Variants in ELF1 observed in about 807,000 individuals in gnomAD.
ELF1 encodes ETS-related transcription factor Elf-1.
ELF1 carries 24 observed loss-of-function variants against 59.9 expected under a neutral mutation model. That is an observed-to-expected ratio of 0.40 (90% CI 0.29 to 0.56). The LOEUF (loss-of-function observed/expected upper bound fraction) is 0.56. Ranked by LOEUF, ELF1 falls within the 20% of genes least tolerant of loss-of-function variation. ELF1 has a pLI of 0.44. For synonymous variants in ELF1, 248 were observed against 266.2 expected (o/e 0.93, Z 0.67); for missense variants, 627 against 742.2 (o/e 0.84, Z 1.80).
At chr13:40,935,871 C>T (rs1869734779) in intron 8 of ELF1, among the ~76,000 whole-genome samples, 2 of 151,964 alleles carry the variant, frequency 1.3e-5, no homozygotes, top group Admixed American at 1.3e-4. Flanking sequence ...AACAGGGTTT[C>T]ACCACGTTGG....
intron 2 of ELF1, among the ~76,000 whole-genome samples, chr13:40,961,174 C>A (rs997856320): frequency 6.6e-6 from 1 of 152,072 alleles, no homozygotes; most frequent in Non-Finnish European, 1.5e-5. Context: ...AATTTAATTA[C>A]CTAAATTAAA....
At chr13:40,970,254 C>T (rs1383667764) in intron 2 of ELF1, among the ~76,000 whole-genome samples, 2 of 152,144 alleles carry the variant, frequency 1.3e-5, no homozygotes, top group Non-Finnish European at 2.9e-5. Context: ...GTTACTAAAT[C>T]AGAACTGGAA....
intron 3 of ELF1, among the ~76,000 whole-genome samples, chr13:40,955,124 C>A: frequency 6.6e-6 from 1 of 150,480 alleles, no homozygotes; most frequent in Non-Finnish European, 1.5e-5. Context: ...AGGAGACCCT[C>A]TGCCTGGCAA....
intron 8 of ELF1, among the ~76,000 whole-genome samples, chr13:40,936,430 T>A (rs1426237330): frequency 6.6e-6 from 1 of 152,194 alleles, no homozygotes; most frequent in African/African-American, 2.4e-5. Context: ...CCACTAGGAC[T>A]TCGCTGCTTC....
At chr13:41,015,605 T>C (rs559611670) in intron 1 of ELF1, among the ~76,000 whole-genome samples, 1 of 152,322 alleles carries the variant, frequency 6.6e-6, no homozygotes, top group East Asian at 1.9e-4. Context: ...AAAATGCTGA[T>C]TGTTTAAGCA....
intron 1 of ELF1, among the ~76,000 whole-genome samples, chr13:41,050,234 G>A (rs1396056233): frequency 6.6e-6 from 1 of 151,940 alleles, no homozygotes; most frequent in African/African-American, 2.4e-5. Flanking sequence ...GACTATTCTA[G>A]GTACCTCATA....
At chr13:40,997,534 G>C (rs1874192034) in intron 1 of ELF1, among the ~76,000 whole-genome samples, 1 of 151,776 alleles carries the variant, frequency 6.6e-6, no homozygotes, top group Non-Finnish European at 1.5e-5. Context: ...GGAATTACAG[G>C]TGTGAGCCAC....
At chr13:41,031,818 C>CAAAAAAAAAAAAAAAAA (rs3072004) in intron 1 of ELF1, among the ~76,000 whole-genome samples, 1 of 82,198 alleles carries the variant, frequency 1.2e-5, no homozygotes, top group Non-Finnish European at 2.3e-5. Context: ...GACTCCGTGT[C>CAAAAAAAAAAAAAAAAA]AAAAAAAAAA....
At chr13:40,952,683 G>T (rs376211756) in intron 3 of ELF1, among the ~76,000 whole-genome samples, 1 of 151,692 alleles carries the variant, frequency 6.6e-6, no homozygotes, top group Non-Finnish European at 1.5e-5. Flanking sequence ...GGTGTGAGCC[G>T]CTGCATCTGT....
intron 1 of ELF1, among the ~76,000 whole-genome samples, chr13:40,986,736 C>A (rs1258970761): frequency 6.6e-6 from 1 of 152,064 alleles, no homozygotes; most frequent in African/African-American, 2.4e-5. Context: ...ACAAAACCCT[C>A]AGCCACACTA....
At chr13:41,029,084 A>G (rs1010497155) in intron 1 of ELF1, among the ~76,000 whole-genome samples, 1 of 152,218 alleles carries the variant, frequency 6.6e-6, no homozygotes, top group Non-Finnish European at 1.5e-5. Flanking sequence ...ATTGTGGGAC[A>G]TAAGAGAACA....
At chr13:40,980,254 T>A (rs1873177404) in intron 2 of ELF1, among the ~76,000 whole-genome samples, 1 of 152,202 alleles carries the variant, frequency 6.6e-6, no homozygotes, top group Non-Finnish European at 1.5e-5. Context: ...TGACTTAACC[T>A]CTTGATATCT....
At chr13:41,028,122 C>T (rs1469858328) in intron 1 of ELF1, among the ~76,000 whole-genome samples, 2 of 152,092 alleles carry the variant, frequency 1.3e-5, no homozygotes, top group Non-Finnish European at 2.9e-5. Flanking sequence ...AGTCTTAGTT[C>T]CAGAGAGAGA....
At chr13:41,003,060 T>C (rs1874555583) in intron 1 of ELF1, among the ~76,000 whole-genome samples, 1 of 152,226 alleles carries the variant, frequency 6.6e-6, no homozygotes, top group African/African-American at 2.4e-5. Flanking sequence ...AAAAGATTAG[T>C]GTTTTCATAT....
chr13:41,028,491 AACAGAAT>A (rs1876034212), intron 1 of ELF1, among the ~76,000 whole-genome samples: 1 of 152,204 alleles, frequency 6.6e-6, no homozygotes, highest in Non-Finnish European at 1.5e-5. Context: ...GCTGAAGGCA[AACAGAAT>A]ACAGAATATG....
intron 1 of ELF1, among the ~76,000 whole-genome samples, chr13:41,032,266 G>A (rs939057683): frequency 5.3e-5 from 8 of 149,822 alleles, no homozygotes; most frequent in African/African-American, 2.5e-5. Flanking sequence ...TGCCCAGGCT[G>A]GAGTGCAATG....
At chr13:40,949,353 T>C (rs1566168161) in intron 5 of ELF1, among the ~76,000 whole-genome samples, 1 of 152,072 alleles carries the variant, frequency 6.6e-6, no homozygotes, top group Non-Finnish European at 1.5e-5. Flanking sequence ...TATTTATTTA[T>C]TTTTATTTTA....
At chr13:40,979,057 A>G (rs1009490056) in intron 2 of ELF1, among the ~76,000 whole-genome samples, 4 of 151,770 alleles carry the variant, frequency 2.6e-5, no homozygotes, top group African/African-American at 9.7e-5. Flanking sequence ...TCCCCCATCT[A>G]GTAGTCCCTC....
At chr13:40,992,508 A>C (rs1361532337) in intron 1 of ELF1, among the ~76,000 whole-genome samples, 1 of 152,256 alleles carries the variant, frequency 6.6e-6, no homozygotes, top group African/African-American at 2.4e-5. Flanking sequence ...AAATTCTAAA[A>C]TTTCTGAAAT....
Sources: allele counts gnomAD v4.1 joint callset (sites outside exome capture counted in the v4.1 genomes callset), GRCh38; gene constraint gnomAD v4.1.1; transcripts MANE v1.5; gene names NCBI Gene and HGNC (gene_info 2026-07-23, HGNC 2026-07-21).